The following SYNE1 variants were observed in gnomAD, a reference collection of about 807,000 sequenced individuals.
SYNE1 encodes the protein nesprin-1.
Under a neutral mutation model 1,111.0 loss-of-function variants are expected in SYNE1, and 616 were observed. The ratio of observed to expected loss-of-function variants is 0.55; its 90% CI spans 0.52 to 0.59. SYNE1 has a LOEUF of 0.59. Among genes scored for constraint, SYNE1 ranks in the 20% least tolerant of loss-of-function variants. The pLI is 0.00. For missense variants in SYNE1, 10,006 were observed against 10,417.0 expected (o/e 0.96, Z 1.72); for synonymous variants, 3,855 against 3,825.8 (o/e 1.01, Z -0.28).
rs531135101 is a variant in SYNE1 at position 152,505,478 on chromosome 6, G to T, written c.582-81C>A. On this transcript the variant is annotated intron_variant, in intron 8 of 145. Transcript: ENST00000367255. ...TCTTCAAGGCCTCATGCAAAATCCA[G>T]TGCTTTTCACCAACGATATGCAGAG... 4.1e-5 allele frequency: 60 copies of T among 1,478,340 alleles called. No individual in the cohort carries two copies. In the African/African-American group the frequency reaches 6.5e-4, roughly 16 times the overall value. 91.6% of individuals were successfully genotyped at this position (1,478,340 alleles called of 1,614,324 possible).
intron 138 of SYNE1, among the ~76,000 whole-genome samples, chr6:152,141,777 T>G (rs180927039): frequency 1.2e-4 from 18 of 150,878 alleles, no homozygotes; most frequent in African/African-American, 3.4e-4. Flanking sequence ...AAAGAAAAAA[T>G]AAGCAGAGGT....
chr6:152,541,515 G>A (rs1242162230), intron 3 of SYNE1, among the ~76,000 whole-genome samples: 1 of 152,028 alleles, frequency 6.6e-6, no homozygotes, highest in Non-Finnish European at 1.5e-5. Context: ...TTGGGAGGCC[G>A]AGGCAGGCAG....
At chr6:152,321,984 C>T (rs952765098) in intron 82 of SYNE1, 98 bp from the exon 83 acceptor site, 4 of 1,347,424 alleles carry the variant, frequency 3.0e-6, no homozygotes, top group Admixed American at 1.8e-5. Context: ...AATGGGAAAC[C>T]TAGTATCTTT....
At chr6:152,445,985 T>A (rs2098584380) in intron 29 of SYNE1, among the ~76,000 whole-genome samples, 1 of 152,120 alleles carries the variant, frequency 6.6e-6, no homozygotes, top group South Asian at 2.1e-4. Flanking sequence ...TGTATGAACA[T>A]TCATTAGAGA....
chr6:152,167,189 T>A (rs73617311), intron 130 of SYNE1, among the ~76,000 whole-genome samples: 1 of 152,314 alleles, frequency 6.6e-6, no homozygotes, highest in Non-Finnish European at 1.5e-5. Flanking sequence ...GATTCTACTA[T>A]GAAATCCAAA....
intron 3 of SYNE1, among the ~76,000 whole-genome samples, chr6:152,584,852 T>C (rs1217654800): frequency 1.3e-5 from 2 of 152,238 alleles, no homozygotes; most frequent in Non-Finnish European, 2.9e-5. Context: ...CATTTAAATC[T>C]TCATCATATT....
intron 3 of SYNE1, among the ~76,000 whole-genome samples, chr6:152,571,893 C>T (rs1595592019): frequency 6.6e-6 from 1 of 152,192 alleles, no homozygotes; most frequent in South Asian, 2.1e-4. Flanking sequence ...ATTTTCAATG[C>T]ATTTTTTAAA....
At chr6:152,451,269 G>A in intron 25 of SYNE1, 64 bp from the exon 26 acceptor site, 1 of 1,499,258 alleles carries the variant, frequency 6.7e-7, no homozygotes. Flanking sequence ...ATTCCCAATT[G>A]AAGTGGCAAA....
At chr6:152,178,199 G>C (rs963654747) in intron 129 of SYNE1, among the ~76,000 whole-genome samples, 29 of 151,760 alleles carry the variant, frequency 1.9e-4, no homozygotes, top group African/African-American at 7.0e-4. Flanking sequence ...TTCAAGAGAT[G>C]GTTTTTTTCC....
At chr6:152,412,150 G>A (rs770578985) in intron 42 of SYNE1, among the ~76,000 whole-genome samples, 5 of 152,098 alleles carry the variant, frequency 3.3e-5, no homozygotes, top group East Asian at 1.9e-4. Flanking sequence ...GGATGGGTGC[G>A]GTGGCTCACA....
chr6:152,169,561 CA>C (rs371955068), intron 130 of SYNE1, among the ~76,000 whole-genome samples: 304 of 18,086 alleles, frequency 0.017, 1 homozygote, highest in Non-Finnish European at 0.02. Flanking sequence ...GACTCCATCT[CA>C]AAAAAAAAAA....
intron 5 of SYNE1, among the ~76,000 whole-genome samples, chr6:152,521,776 T>C (rs2099141158): frequency 6.6e-6 from 1 of 152,198 alleles, no homozygotes; most frequent in Admixed American, 6.6e-5. Flanking sequence ...ACAACATGAA[T>C]TGTGAATATC....
At chr6:152,513,021 G>C (rs1348939221) in intron 6 of SYNE1, among the ~76,000 whole-genome samples, 1 of 152,140 alleles carries the variant, frequency 6.6e-6, no homozygotes, top group African/African-American at 2.4e-5. Flanking sequence ...CTGGAAACTT[G>C]TTAGAGATAT....
chr6:152,281,402 G>A (rs948198687), intron 97 of SYNE1, among the ~76,000 whole-genome samples: 4 of 152,252 alleles, frequency 2.6e-5, no homozygotes, highest in African/African-American at 4.8e-5. Flanking sequence ...AAAGTTTTCC[G>A]AATAATATAT....
intron 64 of SYNE1, among the ~76,000 whole-genome samples, chr6:152,360,916 G>A (rs956229616): frequency 2.0e-5 from 3 of 152,172 alleles, no homozygotes; most frequent in African/African-American, 4.8e-5. Context: ...GCCAAGTGTT[G>A]AGGATATAAA....
intron 104 of SYNE1, among the ~76,000 whole-genome samples, chr6:152,252,141 G>A (rs1027238584): frequency 2.6e-5 from 4 of 151,982 alleles, no homozygotes; most frequent in Non-Finnish European, 5.9e-5. Flanking sequence ...GGCATGGCGT[G>A]CATGCCTGTA....
intron 24 of SYNE1, among the ~76,000 whole-genome samples, chr6:152,454,195 TGCACACAGAA>T (rs1433390722): frequency 1.1e-4 from 16 of 152,086 alleles, no homozygotes; most frequent in Admixed American, 3.3e-4. Flanking sequence ...AGCACACATG[TGCACACAGAA>T]GCACACATGT....
At chr6:152,440,978 T>G (rs977504192) in intron 32 of SYNE1, 152 bp downstream of exon 32, 13 of 988,536 alleles carry the variant, frequency 1.3e-5, no homozygotes, top group African/African-American at 1.6e-5. Flanking sequence ...TATGTTTTCA[T>G]TCTCCAATAT....
intron 91 of SYNE1, among the ~76,000 whole-genome samples, chr6:152,304,483 C>T (rs377354024): frequency 1.7e-4 from 26 of 152,106 alleles, no homozygotes; most frequent in African/African-American, 4.8e-4. Context: ...TATAGGCACG[C>T]GCCACCATGC....
Sources: gnomAD v4.1 joint callset for allele counts (sites outside exome capture counted in the v4.1 genomes callset) on GRCh38, gnomAD v4.1.1 for gene constraint, MANE v1.5 for transcripts, NCBI Gene and HGNC (gene_info 2026-07-23, HGNC 2026-07-21) for gene names.